The following MYCBP2 variants were observed in gnomAD, a reference collection of about 807,000 sequenced individuals.
MYCBP2 encodes the protein MYC binding protein 2, also known as E3 ubiquitin-protein ligase MYCBP2.
MYCBP2 carries 120 observed loss-of-function variants against 525.3 expected under a neutral mutation model. The observed-to-expected ratio is 0.23, with a 90% confidence interval of 0.20 to 0.27. The LOEUF (loss-of-function observed/expected upper bound fraction) is 0.27. Ranked by LOEUF, MYCBP2 falls within the 10% of genes least tolerant of loss-of-function variation. The pLI is 1.00. For synonymous variants in MYCBP2, 1,894 were observed against 1,955.8 expected (o/e 0.97, Z 0.83); for missense variants, 4,149 against 5,657.1 (o/e 0.73, Z 8.55).
chr13:77,081,798 A>C lies in MYCBP2; in HGVS notation c.11193+39T>G. The C allele has an allele frequency of 6.3e-7, 1 of 1,588,794 alleles. No individual in the cohort carries two copies. Among genetic ancestry groups the C allele is most frequent in the South Asian group, 1.2e-5 (1 of 86,046 alleles). ...CAGTTTCTCCTTTGATGTATTATTA[A>C]CTAACAGGACAACCAGGATAATAAC... is the stretch of plus-strand genomic sequence containing the variant. On this transcript the variant is annotated intron_variant, in intron 64 of 82. Transcript: ENST00000544440. The surrounding 1 kb of genome is among the most constrained non-coding windows in gnomAD (Gnocchi z 4.6).
rs895882999 is a variant in MYCBP2, at chr13:77,251,311, C to G, written c.2221G>C (p.Glu741Gln). 1 of 1,614,164 alleles carries G rather than the reference C, an allele frequency of 6.2e-7. No homozygotes were observed. The highest frequency in any genetic ancestry group is 8.5e-7 in the Non-Finnish European group (1 of 1,180,024). ...TCATCTTTTTCATCTAGTTCTTCTT[C>G]CAGGTCTTCATCCATTGCTGTTGCC... is the stretch of plus-strand genomic sequence containing the variant. ...NMATAMDEDLEEELDEKDEKS... is the reference protein window; with the variant it reads ...NMATAMDEDLQEELDEKDEKS... The change falls in exon 15 of 83, where the codon GAA (glutamate) becomes CAA (glutamine). Residue 741 changes from glutamate to glutamine, a missense_variant. Transcript: ENST00000544440.
intron 13 of MYCBP2, among the ~76,000 whole-genome samples, chr13:77,259,128 T>C (rs2072775337): frequency 6.6e-6 from 1 of 151,984 alleles, no homozygotes; most frequent in Non-Finnish European, 1.5e-5. Flanking sequence ...AGCTGGGTGT[T>C]GTGGCACGTG....
intron 23 of MYCBP2, among the ~76,000 whole-genome samples, chr13:77,207,966 G>A (rs1032765407): frequency 1.8e-4 from 8 of 43,424 alleles, no homozygotes; most frequent in Non-Finnish European, 2.0e-4. Flanking sequence ...AGCCCCACCC[G>A]CCCCAGCCCC....
At chr13:77,145,067 T>C (rs1566697030) in intron 48 of MYCBP2, among the ~76,000 whole-genome samples, 1 of 152,208 alleles carries the variant, frequency 6.6e-6, no homozygotes, top group Non-Finnish European at 1.5e-5. Flanking sequence ...CCCTTTGGTA[T>C]TACAACCCCC....
At chr13:77,159,593 C>T (rs1045327439) in intron 44 of MYCBP2, among the ~76,000 whole-genome samples, 2 of 152,142 alleles carry the variant, frequency 1.3e-5, no homozygotes, top group Non-Finnish European at 2.9e-5. Flanking sequence ...ATCATGGGGG[C>T]AGACTTCCCC....
chr13:77,086,106 C>T (rs1410504994), intron 62 of MYCBP2, among the ~76,000 whole-genome samples: 1 of 151,598 alleles, frequency 6.6e-6, no homozygotes, highest in Non-Finnish European at 1.5e-5. Flanking sequence ...TTAAGATATG[C>T]CCTCATATTT....
At chr13:77,148,080 C>A (rs1436644626) in intron 47 of MYCBP2, among the ~76,000 whole-genome samples, 2 of 150,202 alleles carry the variant, frequency 1.3e-5, no homozygotes, top group Non-Finnish European at 1.5e-5. Context: ...AAACTAAATT[C>A]CTTAAGCAAG....
intron 47 of MYCBP2, among the ~76,000 whole-genome samples, chr13:77,149,390 T>TC (rs1025765579): frequency 6.6e-6 from 1 of 152,112 alleles, no homozygotes; most frequent in Non-Finnish European, 1.5e-5. Flanking sequence ...GGAAATCTTT[T>TC]TTTTTTTTTA....
chr13:77,219,780 G>A (rs1387873797), intron 20 of MYCBP2, among the ~76,000 whole-genome samples: 1 of 152,100 alleles, frequency 6.6e-6, no homozygotes, highest in Non-Finnish European at 1.5e-5. Context: ...GAGAAAAGGT[G>A]TGGTGGTAGA....
At chr13:77,050,645 C>T (rs1432321005) in intron 82 of MYCBP2, among the ~76,000 whole-genome samples, 1 of 149,172 alleles carries the variant, frequency 6.7e-6, no homozygotes, top group African/African-American at 2.5e-5. Flanking sequence ...CGGTTCCAGG[C>T]TTCGTTAAAA....
chr13:77,133,016 G>A (rs1434849709), intron 52 of MYCBP2, among the ~76,000 whole-genome samples: 1 of 152,022 alleles, frequency 6.6e-6, no homozygotes, highest in East Asian at 1.9e-4. Flanking sequence ...AACCATTAAG[G>A]TTATAAGTAT....
Position 77,164,535 on chromosome 13 carries a change from T to C in MYCBP2, c.6466A>G (p.Ile2156Val). 1.2e-6 allele frequency: 2 copies of C among 1,601,430 alleles called. No homozygotes were observed. The highest frequency in any genetic ancestry group is 1.7e-6 in the Non-Finnish European group (2 of 1,168,716). Reference sequence around the variant, plus strand: ...TTGGCTAATTCTTTTTCCAATTGGATGACTCCCTATGGAATTGCATAAAAT... The same window carrying C: ...TTGGCTAATTCTTTTTCCAATTGGACGACTCCCTATGGAATTGCATAAAAT... Reference protein sequence around the residue: ...EFSPGPDEGVIQLEKELANLG... With the variant: ...EFSPGPDEGVVQLEKELANLG... Residue 2156 changes from isoleucine (I) to valine (V), a missense_variant, in exon 43 of 83, where the codon ATC becomes GTC. Physicochemically the swap from Ile to Val is conservative, Grantham distance 29 (BLOSUM62 3). Around this residue, in one of 21 missense-constraint regions of MYCBP2, gnomAD observed 692 missense variants for 852.7 expected, o/e 0.81. Coordinates refer to ENST00000544440, the MANE Select transcript of MYCBP2 (RefSeq NM_015057.5).
At chr13:77,290,370 C>T (rs1167971714) in intron 2 of MYCBP2, among the ~76,000 whole-genome samples, 2 of 152,104 alleles carry the variant, frequency 1.3e-5, no homozygotes, top group African/African-American at 4.8e-5. Context: ...GACATTTACA[C>T]CAGAGAAATA....
At position 77,109,706 on chromosome 13, in the gene MYCBP2, T is replaced by G. The variant is rs188456549; in HGVS notation, c.8141-10693A>C. On this transcript the variant is annotated intron_variant, in intron 55 of 82. Coordinates refer to ENST00000544440, the MANE Select transcript of MYCBP2 (RefSeq NM_015057.5). ...AACCACTGGAATGAGTTAGCAGACT[T>G]GTTGCGGAAAGTCAGAGATCCTGAA... 3.9e-5 allele frequency: 6 copies of G among 152,312 alleles called. No individual in the cohort carries two copies. The East Asian group carries it at 1.2e-3, about 29-fold the overall frequency. The allele number at this position is 152,312 out of a possible 1,614,324, so 9.4% of individuals were successfully genotyped here. A position where few individuals can be genotyped will look rare whatever the true frequency, so the allele number is the denominator to read the frequency against.
rs1594341881 is a variant in MYCBP2 at position 77,081,739 on chromosome 13, G to A, written c.11194-88C>T. The A allele has an allele frequency of 1.2e-5, 19 of 1,528,942 alleles. No homozygotes were observed. The East Asian group carries it at 4.1e-4, about 33-fold the overall frequency. 94.7% of individuals were successfully genotyped at this position (1,528,942 alleles called of 1,614,324 possible). On this transcript the variant is annotated intron_variant, in intron 64 of 82. Coordinates refer to ENST00000544440, the MANE Select transcript of MYCBP2 (RefSeq NM_015057.5). This position sits in a 1 kb window ranked among gnomAD's most constrained non-coding sequence, Gnocchi z 4.6. ...AAACAGGTATAAGATAAAACATAAT[G>A]GAAGACAGGATCAAATTGATTATGA...
In MYCBP2 at chr13:77,098,702, G is replaced by A. The variant is rs1294552563; in HGVS notation, c.8452C>T (p.Arg2818Trp). 20 of 1,613,412 alleles carry A rather than the reference G, an allele frequency of 1.2e-5. No individual in the cohort carries two copies. Among genetic ancestry groups the A allele is most frequent in the East Asian group, 4.5e-5 (2 of 44,866 alleles). Residue 2818 changes from arginine (R) to tryptophan (W), a missense_variant, in exon 56 of 83, where the codon CGG becomes TGG. Arg to Trp is a moderately radical substitution (Grantham distance 101, BLOSUM62 -3). Coordinates refer to ENST00000544440, the MANE Select transcript of MYCBP2 (RefSeq NM_015057.5). ...SRAESPGPGSRLSSPKPKTLP... is the reference protein window; with the variant it reads ...SRAESPGPGSWLSSPKPKTLP... ...GTCTTTGGCTTAGGAGATGACAACC[G>A]AGAACCTGGTCCTGGGGATTCAGCT...
chr13:77,242,917 T>C, intron 17 of MYCBP2, 142 bp downstream of exon 17: 1 of 655,684 alleles, frequency 1.5e-6, no homozygotes, highest in South Asian at 2.0e-5. Flanking sequence ...TATTTTCCCA[T>C]TATATGAGTT....
chr13:77,254,089 G>A (rs1358171371), intron 14 of MYCBP2, among the ~76,000 whole-genome samples: 2 of 151,546 alleles, frequency 1.3e-5, no homozygotes, highest in Non-Finnish European at 3.0e-5. Context: ...TACCAACATG[G>A]ACATATTTCT....
In MYCBP2 at chr13:77,322,339, A is replaced by T. The variant is rs146672811; in HGVS notation, c.302+4135T>A. The stretch of plus-strand genomic sequence containing the variant: ...AATCCCCTCTATTGTTTTCACTAAC[A>T]TTGTTCTTCTAGGACTTCAGGACCC... On this transcript the variant is annotated intron_variant, in intron 1 of 82. Transcript: ENST00000544440. Among the ~76,000 whole-genome samples, 156 of 152,246 alleles carry T rather than the reference A, an allele frequency of 1.0e-3. 1 individual carries two copies. The highest frequency in any genetic ancestry group is 3.4e-3 in the Middle Eastern group (1 of 294).
Sources: allele counts gnomAD v4.1 joint callset (sites outside exome capture counted in the v4.1 genomes callset), GRCh38; gene constraint gnomAD v4.1.1; regional missense constraint gnomAD v4.1.1; non-coding constraint Gnocchi (gnomAD v3.1); transcripts MANE v1.5; gene names NCBI Gene and HGNC (gene_info 2026-07-23, HGNC 2026-07-21).